The following RBMXL1 variants were observed in gnomAD, a reference collection of about 807,000 sequenced individuals.
RBMXL1 encodes the protein RNA binding motif protein, X-linked-like-1.
RBMXL1 carries 18 observed loss-of-function variants against 29.0 expected under a neutral mutation model. The observed-to-expected ratio is 0.62, with a 90% CI of 0.43 to 0.92. The LOEUF is 0.92. RBMXL1 is among the 40% of genes least tolerant of loss of function. The pLI, the probability that RBMXL1 is intolerant of heterozygous loss-of-function variation, is 0.00. For synonymous variants in RBMXL1, 141 were observed against 170.4 expected (o/e 0.83, Z 1.34); for missense variants, 403 against 495.8 (o/e 0.81, Z 1.78).
chr1:88,988,399 T>C (rs1677595613), intron 1 of RBMXL1, 48 bp from the exon 2 acceptor site: 2 of 1,041,546 alleles, frequency 1.9e-6, no homozygotes, highest in South Asian at 1.4e-5. Flanking sequence ...ATATGATGGG[T>C]ACATCACTAT....
rs12073669 is a variant in RBMXL1, at chr1:88,988,551, T to G, written c.-340-200A>C. ...TGGAGGCATTCTAATAAATGTATTC[T>G]TCCTACACAAATTTATATTCACATC... On this transcript the variant is annotated intron_variant, in intron 1 of 2. Coordinates refer to ENST00000652648, the MANE Select transcript of RBMXL1 (RefSeq NM_001162536.3). Among the ~76,000 whole-genome samples the G allele has an allele frequency of 3.4e-3, 517 of 152,354 alleles. 6 individuals are homozygous for G. The highest frequency in any genetic ancestry group is 0.012 in the African/African-American group (501 of 41,586).
intron 1 of RBMXL1, among the ~76,000 whole-genome samples, chr1:88,989,487 G>A (rs919331527): frequency 2.0e-5 from 3 of 152,120 alleles, no homozygotes; most frequent in Non-Finnish European, 2.9e-5. Context: ...AGCAAGTAGC[G>A]GGAACCCTCT....
chr1:88,984,139 C>A, intron 2 of RBMXL1, 73 bp from the exon 3 acceptor site: 1 of 279,632 alleles, frequency 3.6e-6, no homozygotes, highest in Non-Finnish European at 7.1e-6. Flanking sequence ...CTTAAAGATA[C>A]ATAAAAAATG....
chr1:88,984,004 CA>C lies in RBMXL1; in HGVS notation c.-179del, dbSNP rs1220962729. ...GCTTTTTAAGGTATGGCTATCCATT[CA>C]AAAAACCAGGAAAATTACTTTCTTT... On this transcript the variant is annotated 5_prime_UTR_variant, in exon 3 of 3. An upstream open reading frame in the 5' UTR gains an earlier in-frame stop. Transcript: ENST00000652648. 1.9e-6 allele frequency: 1 copy of C among 528,974 alleles called. No individual in the cohort carries two copies. The highest frequency in any genetic ancestry group is 2.3e-5 in the African/African-American group (1 of 42,724). 32.8% of individuals were successfully genotyped at this position (528,974 alleles called of 1,614,324 possible).
intron 2 of RBMXL1, among the ~76,000 whole-genome samples, chr1:88,985,112 T>C (rs999770874): frequency 2.0e-5 from 3 of 152,214 alleles, no homozygotes; most frequent in Non-Finnish European, 4.4e-5. Flanking sequence ...TGATAACAGC[T>C]AAATACATGG....
rs1164961236 is a variant in RBMXL1 at position 88,983,123 on chromosome 1, G to A, written c.704C>T (p.Ala235Val). The A allele has an allele frequency of 8.7e-6, 14 of 1,612,278 alleles. No homozygotes were observed. Among genetic ancestry groups the A allele is most frequent in the Non-Finnish European group, 1.2e-5 (14 of 1,180,012 alleles). The stretch of plus-strand genomic sequence containing the variant: ...GTAAGTATAATCTCGTGGTGGTGGT[G>A]CATAATCTCTTGTATCACGAGAACT... ...YPSSRDTRDYAPPPRDYTYRD... is the reference protein window; with the variant it reads ...YPSSRDTRDYVPPPRDYTYRD... Residue 235 changes from alanine (A) to valine (V), a missense_variant, in exon 3 of 3, where the codon GCA becomes GTA. Transcript: ENST00000652648.
chr1:88,983,481 T>C lies in RBMXL1; in HGVS notation c.346A>G (p.Ser116Gly). Residue 116 changes from serine to glycine, a missense_variant, in exon 3 of 3, where the codon AGT becomes GGT. Coordinates refer to ENST00000652648, the MANE Select transcript of RBMXL1 (RefSeq NM_001162536.3). ...GAAGGAGGTCCCCTGGTTCCTCCAC[T>C]TCCTCCTCTTCCAGCTCCAAAACCT... ...PRGFGAGRGG[S>G]GGTRGPPSRG... The C allele has an allele frequency of 6.2e-7, 1 of 1,614,130 alleles. No homozygotes were observed. Among genetic ancestry groups the C allele is most frequent in the Non-Finnish European group, 8.5e-7 (1 of 1,180,008 alleles).
rs553897208 is a variant in RBMXL1 at position 88,988,441 on chromosome 1, G to A, written c.-340-90C>T. 1.2e-5 allele frequency: 8 copies of A among 678,212 alleles called. No individual in the cohort carries two copies. The African/African-American group carries it at 1.5e-4, about 12-fold the overall frequency. The allele number at this position is 678,212 out of a possible 1,614,324, so 42.0% of individuals were successfully genotyped here. A position where few individuals can be genotyped will look rare whatever the true frequency, so the allele number is the denominator to read the frequency against. On this transcript the variant is annotated intron_variant, in intron 1 of 2. Transcript: ENST00000652648. ...CTTACAGCTAGCTGATGTATCATAA[G>A]CTTACGTAAAATCCAAGTAAACATT...
rs761539523 is a variant in RBMXL1, at chr1:88,983,345, G to A, written c.482C>T (p.Ser161Phe). Residue 161 changes from serine (S) to phenylalanine (F), a missense_variant, in exon 3 of 3, where the codon TCT becomes TTT. Ser to Phe is a radical substitution (Grantham distance 155). Coordinates refer to ENST00000652648, the MANE Select transcript of RBMXL1 (RefSeq NM_001162536.3). ...TCCTGAAGGTGCAGATCTCTTAGGAGAAGGACCCCCACTTCTTGGTGGTGG... is the reference window on the plus strand; with the variant it reads ...TCCTGAAGGTGCAGATCTCTTAGGAAAAGGACCCCCACTTCTTGGTGGTGG... The part of the protein sequence containing the change: ...RGPPPRSGGP[S>F]PKRSAPSGLV... 1 of 1,614,000 alleles carries A rather than the reference G, an allele frequency of 6.2e-7. No homozygotes were observed. Among genetic ancestry groups the A allele is most frequent in the Non-Finnish European group, 8.5e-7 (1 of 1,180,026 alleles).
chr1:88,983,375 C>T lies in RBMXL1; in HGVS notation c.452G>A (p.Arg151Lys). Residue 151 changes from arginine (R) to lysine (K), a missense_variant, in exon 3 of 3, where the codon AGA (arginine) becomes AAA (lysine). Arg to Lys is a conservative substitution (Grantham distance 26). Transcript: ENST00000652648. ...ACCCCCACTTCTTGGTGGTGGTCCT[C>T]TTTTTACTGGGAGTGGTCCCCTGGA... The part of the protein sequence containing the change: ...SSSRGPLPVK[R>K]GPPPRSGGPS... 2 of 1,614,196 alleles carry T rather than the reference C, an allele frequency of 1.2e-6. No homozygotes were observed. The highest frequency in any genetic ancestry group is 1.7e-6 in the Non-Finnish European group (2 of 1,180,026).
chr1:88,986,673 G>A (rs931916691), intron 2 of RBMXL1, among the ~76,000 whole-genome samples: 1 of 152,082 alleles, frequency 6.6e-6, no homozygotes, highest in Non-Finnish European at 1.5e-5. Context: ...AAGTAATACA[G>A]GAAAATACAG....
chr1:88,991,983 G>GTTTTT (rs10638041), intron 1 of RBMXL1, among the ~76,000 whole-genome samples: 4,956 of 144,776 alleles, frequency 0.034, 137 homozygotes, highest in Non-Finnish European at 0.054. Context: ...TATTCTTTTG[G>GTTTTT]TTTTTTTTTT....
chr1:88,988,037 A>AAT (rs1215716610), intron 2 of RBMXL1, among the ~76,000 whole-genome samples: 2 of 152,248 alleles, frequency 1.3e-5, no homozygotes, highest in African/African-American at 2.4e-5. Flanking sequence ...TGAGGTAATG[A>AAT]ATATATAATG....
chr1:88,991,287 A>G (rs1475080366), intron 1 of RBMXL1, among the ~76,000 whole-genome samples: 1 of 152,238 alleles, frequency 6.6e-6, no homozygotes, highest in East Asian at 1.9e-4. Context: ...ACTTAAATCC[A>G]AATGATCAAT....
At chr1:88,991,944 T>C (rs908018882) in intron 1 of RBMXL1, among the ~76,000 whole-genome samples, 3 of 151,858 alleles carry the variant, frequency 2.0e-5, no homozygotes, top group Non-Finnish European at 4.4e-5. Context: ...CTGCTAAGCT[T>C]CATTTATAAG....
At chr1:88,985,480 C>G (rs184696666) in intron 2 of RBMXL1, among the ~76,000 whole-genome samples, 1 of 152,210 alleles carries the variant, frequency 6.6e-6, no homozygotes, top group African/African-American at 2.4e-5. Context: ...ACACACATGC[C>G]ATGTTCTGTG....
At chr1:88,989,437 C>G (rs1342648006) in intron 1 of RBMXL1, among the ~76,000 whole-genome samples, 1 of 152,140 alleles carries the variant, frequency 6.6e-6, no homozygotes, top group Non-Finnish European at 1.5e-5. Context: ...CTCCATTTTT[C>G]ACAATAGGTG....
At chr1:88,989,525 C>A (rs1677664931) in intron 1 of RBMXL1, among the ~76,000 whole-genome samples, 1 of 152,168 alleles carries the variant, frequency 6.6e-6, no homozygotes, top group Non-Finnish European at 1.5e-5. Context: ...ATGGAATTTG[C>A]TGATTATGGC....
rs1677286077 is a variant in RBMXL1, at chr1:88,984,026, T to C, written c.-200A>G. The stretch of plus-strand genomic sequence containing the variant: ...ATTCAAAAAACCAGGAAAATTACTT[T>C]CTTTTGCCACTAGATGGCAGAGGAA... On this transcript the variant is annotated 5_prime_UTR_variant, in exon 3 of 3. Transcript: ENST00000652648. 8 of 494,096 alleles carry C rather than the reference T, an allele frequency of 1.6e-5. No individual in the cohort carries two copies. The highest frequency in any genetic ancestry group is 1.3e-4 in the South Asian group (6 of 46,718). 30.6% of individuals were successfully genotyped at this position (494,096 alleles called of 1,614,324 possible).
Sources: gnomAD v4.1 joint callset for allele counts (sites outside exome capture counted in the v4.1 genomes callset) on GRCh38, gnomAD v4.1.1 for gene constraint, MANE v1.5 for transcripts, NCBI Gene and HGNC (gene_info 2026-07-23, HGNC 2026-07-21) for gene names.